Variants in CDH12 observed in about 807,000 individuals in gnomAD.
CDH12 encodes the protein cadherin 12, also known as cadherin-12.
CDH12 carries 41 observed loss-of-function variants against 74.1 expected under a neutral mutation model. That is an observed-to-expected ratio of 0.55 (90% CI 0.43 to 0.72). CDH12 has a LOEUF of 0.72. CDH12 is among the 30% of genes least tolerant of loss of function. The probability of loss-of-function intolerance (pLI) is 0.00; values close to 1 mark genes in which losing one functional copy is unlikely to be tolerated. For missense variants in CDH12, 945 were observed against 977.2 expected (o/e 0.97, Z 0.44); for synonymous variants, 399 against 355.0 (o/e 1.12, Z -1.39).
chr5:22,453,595 T>A (rs906242161), intron 2 of CDH12, among the ~76,000 whole-genome samples: 9 of 151,996 alleles, frequency 5.9e-5, no homozygotes, highest in African/African-American at 1.9e-4. Context: ...GAGGTAGGCT[T>A]ATGAGAGAGG....
intron 6 of CDH12, among the ~76,000 whole-genome samples, chr5:21,948,172 C>A (rs150789275): frequency 0.016 from 2,510 of 152,294 alleles, 31 homozygotes; most frequent in Non-Finnish European, 0.024. Context: ...AGCTCCCACA[C>A]AGAGTCCCCA....
rs1754173104 is a variant in CDH12 at position 21,917,905 on chromosome 5, AATGT to A, written c.526+57182_526+57185del. 2.6e-5 allele frequency among the ~76,000 whole-genome samples: 4 copies of A among 152,182 alleles called. No individual in the cohort carries two copies. In the South Asian group the frequency reaches 8.3e-4, roughly 32 times the overall value. ...TTTGAACACTGCTTTACTGCATATA[AATGT>A]ATGCATCTTTGCTTTCTCTTTTATA... On this transcript the variant is annotated intron_variant, in intron 6 of 14. Coordinates refer to ENST00000382254, the MANE Select transcript of CDH12 (RefSeq NM_004061.5).
chr5:22,208,719 A>G (rs549314561), intron 4 of CDH12, among the ~76,000 whole-genome samples: 1 of 152,182 alleles, frequency 6.6e-6, no homozygotes, highest in South Asian at 2.1e-4. Flanking sequence ...TTCATTTCTC[A>G]TCAAATCTAC....
At chr5:22,822,475 C>A (rs991397703) in intron 1 of CDH12, among the ~76,000 whole-genome samples, 2 of 151,990 alleles carry the variant, frequency 1.3e-5, no homozygotes, top group Admixed American at 6.6e-5. Flanking sequence ...ATTTTCGCAA[C>A]CTACTCATCT....
At chr5:22,070,415 T>G (rs1197774929) in intron 5 of CDH12, among the ~76,000 whole-genome samples, 2 of 152,162 alleles carry the variant, frequency 1.3e-5, no homozygotes, top group Non-Finnish European at 2.9e-5. Flanking sequence ...ATCATGATCA[T>G]GGGTGTTTCT....
intron 1 of CDH12, among the ~76,000 whole-genome samples, chr5:22,546,762 TA>T (rs1195281956): frequency 6.6e-6 from 1 of 152,056 alleles, no homozygotes; most frequent in Non-Finnish European, 1.5e-5. Flanking sequence ...GTATGCACAA[TA>T]AAAAAATACA....
intron 1 of CDH12, among the ~76,000 whole-genome samples, chr5:22,589,968 A>G (rs1214191540): frequency 2.0e-5 from 3 of 152,138 alleles, no homozygotes; most frequent in African/African-American, 7.2e-5. Flanking sequence ...AATTTACCAT[A>G]CGCTTCATTA....
intron 1 of CDH12, among the ~76,000 whole-genome samples, chr5:22,630,355 T>G (rs1479226872): frequency 6.6e-6 from 1 of 151,890 alleles, no homozygotes; most frequent in Non-Finnish European, 1.5e-5. Flanking sequence ...TTACCCCACT[T>G]GAACAAAACT....
At chr5:22,185,910 A>C (rs1189318261) in intron 4 of CDH12, among the ~76,000 whole-genome samples, 1 of 152,208 alleles carries the variant, frequency 6.6e-6, no homozygotes, top group Non-Finnish European at 1.5e-5. Flanking sequence ...GAACAGTAAA[A>C]AACAATATTG....
intron 4 of CDH12, among the ~76,000 whole-genome samples, chr5:22,107,878 G>C (rs1326222099): frequency 2.0e-5 from 3 of 151,912 alleles, no homozygotes; most frequent in Non-Finnish European, 4.4e-5. Context: ...AAAGCAGCAG[G>C]GATATAAAAT....
intron 4 of CDH12, among the ~76,000 whole-genome samples, chr5:22,089,380 G>C (rs921707401): frequency 1.3e-5 from 2 of 152,130 alleles, no homozygotes; most frequent in South Asian, 4.1e-4. Flanking sequence ...AGAGAAACTA[G>C]TTATTGAAGG....
At chr5:22,795,777 CAT>C (rs1748170176) in intron 1 of CDH12, among the ~76,000 whole-genome samples, 1 of 151,558 alleles carries the variant, frequency 6.6e-6, no homozygotes, top group Non-Finnish European at 1.5e-5. Context: ...TATATGGAAT[CAT>C]GTGTGGAAAT....
At chr5:22,695,150 C>T (rs773304498) in intron 1 of CDH12, among the ~76,000 whole-genome samples, 31 of 152,086 alleles carry the variant, frequency 2.0e-4, no homozygotes, top group Non-Finnish European at 4.3e-4. Context: ...TCATCCATGT[C>T]CCTGCAAAGG....
chr5:22,805,033 C>G (rs190709343), intron 1 of CDH12, among the ~76,000 whole-genome samples: 66 of 152,206 alleles, frequency 4.3e-4, no homozygotes, highest in Non-Finnish European at 7.1e-4. Context: ...ATGCTGTACA[C>G]TGCTGGTGGG....
intron 1 of CDH12, among the ~76,000 whole-genome samples, chr5:22,834,926 G>A (rs1736759124): frequency 6.6e-6 from 1 of 151,948 alleles, no homozygotes; most frequent in Non-Finnish European, 1.5e-5. Context: ...GAGTAGAGAG[G>A]GAGATCAAAA....
chr5:22,405,942 T>C (rs749833137), intron 2 of CDH12, among the ~76,000 whole-genome samples: 4 of 152,178 alleles, frequency 2.6e-5, no homozygotes, highest in Non-Finnish European at 4.4e-5. Context: ...CATAATAGAA[T>C]GCAAATTCTA....
chr5:21,833,425 T>TATATTATTAATTAC (rs1405628065), intron 8 of CDH12, among the ~76,000 whole-genome samples: 1 of 112,506 alleles, frequency 8.9e-6, no homozygotes, highest in Non-Finnish European at 1.7e-5. Flanking sequence ...TACATTATTA[T>TATATTATTAATTAC]ATATTATTAA....
At chr5:22,686,940 T>C (rs1340604003) in intron 1 of CDH12, among the ~76,000 whole-genome samples, 1 of 152,166 alleles carries the variant, frequency 6.6e-6, no homozygotes, top group African/African-American at 2.4e-5. Flanking sequence ...TCAAAAGTTG[T>C]CCCTGTATGA....
At chr5:22,569,153 T>C (rs796291612) in intron 1 of CDH12, among the ~76,000 whole-genome samples, 13 of 152,244 alleles carry the variant, frequency 8.5e-5, no homozygotes, top group African/African-American at 2.9e-4. Flanking sequence ...TCTGATAGAG[T>C]TTGGATATAT....
Sources: gnomAD v4.1 joint callset for allele counts (sites outside exome capture counted in the v4.1 genomes callset) on GRCh38, gnomAD v4.1.1 for gene constraint, MANE v1.5 for transcripts, NCBI Gene and HGNC (gene_info 2026-07-23, HGNC 2026-07-21) for gene names.